The following HIPK3 variants were observed in gnomAD, a reference collection of about 807,000 sequenced individuals.
HIPK3 encodes the protein homeodomain interacting protein kinase 3.
A neutral mutation model predicts 124.2 loss-of-function variants in HIPK3; 47 were observed. The observed-to-expected ratio is 0.38, with a 90% confidence interval of 0.30 to 0.48. The LOEUF is 0.48. HIPK3 is among the 20% of genes least tolerant of loss of function. The pLI, the probability that HIPK3 is intolerant of heterozygous loss-of-function variation, is 0.98. For missense variants in HIPK3, 1,286 were observed against 1,454.3 expected, an observed-to-expected ratio of 0.88 and a Z score of 1.88; for synonymous variants, 482 against 515.2, an observed-to-expected ratio of 0.94 and a Z score of 0.87.
chr11:33,324,200 CACT>C (rs1430859444), intron 2 of HIPK3, among the ~76,000 whole-genome samples: 2 of 152,022 alleles, frequency 1.3e-5, no homozygotes, highest in African/African-American at 4.8e-5. Flanking sequence ...AAGCTTTATT[CACT>C]ACTGACAGAC....
intron 2 of HIPK3, among the ~76,000 whole-genome samples, chr11:33,303,916 TA>T (rs1346198046): frequency 1.3e-5 from 2 of 152,106 alleles, no homozygotes; most frequent in African/African-American, 4.8e-5. Flanking sequence ...TATACTAAAT[TA>T]AAAATTATTT....
At chr11:33,279,324 C>CAAA (rs869091127) in intron 1 of HIPK3, among the ~76,000 whole-genome samples, 26 of 77,500 alleles carry the variant, frequency 3.4e-4, no homozygotes, top group East Asian at 8.0e-4. Flanking sequence ...CTCTTTGTCT[C>CAAA]AAAAAAAAAA....
rs1345808371 is a variant in HIPK3, at chr11:33,353,221, G to A, written c.3301G>A (p.Ala1101Thr). 1.2e-6 allele frequency: 2 copies of A among 1,613,972 alleles called. No homozygotes were observed. Among genetic ancestry groups the A allele is most frequent in the Admixed American group, 1.7e-5 (1 of 59,982 alleles). Residue 1101 changes from alanine to threonine, a missense_variant, in exon 17 of 17, where the codon GCA becomes ACA. Transcript: ENST00000303296. ...TLSHGSPNHT[A>T]VHAHLAGNTH... ...TTCTCATGGAAGTCCCAATCACACA[G>A]CAGTGCATGCCCACCTGGCTGGAAA...
At chr11:33,256,812 G>A (rs1159833910), upstream of HIPK3, 4 of 540,394 alleles carry the variant, frequency 7.4e-6, no homozygotes, top group African/African-American at 8.2e-5. Context: ...AAATTTCCAA[G>A]AGGACCCTTC....
intron 7 of HIPK3, 36 bp downstream of exon 7, chr11:33,341,163 T>C (rs773778392): frequency 1.4e-6 from 2 of 1,446,092 alleles, no homozygotes; most frequent in Admixed American, 4.5e-5. Flanking sequence ...TTAGGGTCTT[T>C]TTTTAATGAT....
intron 5 of HIPK3, 113 bp from the exon 6 acceptor site, chr11:33,339,237 A>G (rs3847592): frequency 0.62 from 414,291 of 665,352 alleles, 133,028 homozygotes; most frequent in Non-Finnish European, 0.67. Flanking sequence ...AGATAATTGT[A>G]GTTCCCTCTC....
chr11:33,273,295 G>A (rs1321018949), intron 1 of HIPK3, among the ~76,000 whole-genome samples: 1 of 152,040 alleles, frequency 6.6e-6, no homozygotes, highest in African/African-American at 2.4e-5. Flanking sequence ...ACGAGGTCAG[G>A]AGATCAAGAC....
intron 3 of HIPK3, among the ~76,000 whole-genome samples, chr11:33,329,922 G>T (rs1323916269): frequency 6.6e-6 from 1 of 152,188 alleles, no homozygotes; most frequent in Admixed American, 6.5e-5. Context: ...CCTGGAGCAG[G>T]ACACCCTCTA....
rs894609785 is a variant in HIPK3 at position 33,355,104 on chromosome 11, T to G, written c.*1536T>G. The G allele has an allele frequency of 3.3e-5, 5 of 152,110 alleles. No homozygotes were observed. The highest frequency in any genetic ancestry group is 5.9e-5 in the Non-Finnish European group (4 of 67,942). 9.4% of individuals were successfully genotyped at this position (152,110 alleles called of 1,614,324 possible). The stretch of plus-strand genomic sequence containing the variant: ...CATAGATAAGCTGCTATATAACGAT[T>G]GCCACTTCAGATAGCTGTGAAATTA... On this transcript the variant is annotated 3_prime_UTR_variant, in exon 17 of 17. Coordinates refer to ENST00000303296, the MANE Select transcript of HIPK3 (RefSeq NM_005734.5).
intron 1 of HIPK3, among the ~76,000 whole-genome samples, chr11:33,265,002 G>C (rs1190220355): frequency 2.6e-5 from 4 of 152,186 alleles, no homozygotes; most frequent in Non-Finnish European, 5.9e-5. Flanking sequence ...GTTTTAAATA[G>C]TTAATGAGAT....
chr11:33,307,440 C>T (rs1377067160), intron 2 of HIPK3, among the ~76,000 whole-genome samples: 1 of 149,820 alleles, frequency 6.7e-6, no homozygotes, highest in East Asian at 1.9e-4. Flanking sequence ...GCTCTGTCGC[C>T]CAGGCTGGAG....
intron 3 of HIPK3, among the ~76,000 whole-genome samples, chr11:33,330,062 G>T (rs577002150): frequency 1.3e-5 from 2 of 152,202 alleles, no homozygotes; most frequent in Admixed American, 6.5e-5. Context: ...TTTTATAAAG[G>T]AGAAAACTGA....
chr11:33,342,536 T>C (rs1398971643), intron 8 of HIPK3, among the ~76,000 whole-genome samples: 5 of 137,902 alleles, frequency 3.6e-5, no homozygotes, highest in Admixed American at 7.9e-5. Context: ...GAAGAGGCTA[T>C]ACATTCTTTT....
At chr11:33,330,754 T>C (rs1481582816) in intron 3 of HIPK3, among the ~76,000 whole-genome samples, 2 of 152,230 alleles carry the variant, frequency 1.3e-5, no homozygotes, top group African/African-American at 4.8e-5. Flanking sequence ...AGCATGGTAT[T>C]TGTTATAAAG....
chr11:33,309,533 G>T (rs1187649743), intron 2 of HIPK3, among the ~76,000 whole-genome samples: 2 of 152,218 alleles, frequency 1.3e-5, no homozygotes, highest in African/African-American at 4.8e-5. Context: ...AATAGTAAGT[G>T]TGTGACCTCT....
rs1447858700 is a variant in HIPK3 at position 33,266,009 on chromosome 11, G to A, written c.-3+8120G>A. Among the ~76,000 whole-genome samples the A allele has an allele frequency of 1.4e-3, 204 of 148,508 alleles. 3 individuals are homozygous for A. The highest frequency in any genetic ancestry group is 6.1e-4 in the Non-Finnish European group (41 of 67,274). On this transcript the variant is annotated intron_variant, in intron 1 of 16. Coordinates refer to ENST00000303296, the MANE Select transcript of HIPK3 (RefSeq NM_005734.5). ...TGAGGCAGGAGAATGGCGTGAACCC[G>A]GGAGGTGGAGTTTGCAGTGAGCCTG...
intron 2 of HIPK3, among the ~76,000 whole-genome samples, chr11:33,324,705 A>ATGGG (rs1310512956): frequency 6.6e-6 from 1 of 152,166 alleles, no homozygotes; most frequent in East Asian, 1.9e-4. Context: ...TTCTTGCTTG[A>ATGGG]TGGGAGGCTC....
chr11:33,300,127 G>A (rs1851955570), intron 2 of HIPK3, among the ~76,000 whole-genome samples: 1 of 152,016 alleles, frequency 6.6e-6, no homozygotes, highest in Admixed American at 6.6e-5. Context: ...AGATCACAAG[G>A]TCAGGAGTTC....
At chr11:33,289,284 GA>G (rs1035898652) in intron 2 of HIPK3, among the ~76,000 whole-genome samples, 1 of 151,548 alleles carries the variant, frequency 6.6e-6, no homozygotes, top group South Asian at 2.1e-4. Flanking sequence ...TCCAAAAAAA[GA>G]AAAAAAATAA....
Sources: allele counts gnomAD v4.1 joint callset (sites outside exome capture counted in the v4.1 genomes callset), GRCh38; gene constraint gnomAD v4.1.1; transcripts MANE v1.5; gene names NCBI Gene and HGNC (gene_info 2026-07-23, HGNC 2026-07-21).